The following CNNM2 variants were observed in gnomAD, a reference collection of about 807,000 sequenced individuals.
The protein encoded by CNNM2 is metal transporter CNNM2.
CNNM2 carries 12 observed loss-of-function variants against 66.9 expected under a neutral mutation model. The ratio of observed to expected loss-of-function variants is 0.18; its 90% CI spans 0.11 to 0.29. CNNM2 has a LOEUF of 0.29. Ranked by LOEUF, CNNM2 falls within the 10% of genes least tolerant of loss-of-function variation. The pLI, the probability that CNNM2 is intolerant of heterozygous loss-of-function variation, is 1.00. For synonymous variants in CNNM2, 557 were observed against 501.8 expected, an observed-to-expected ratio of 1.11 and a Z score of -1.47; for missense variants, 705 against 1,167.7, an observed-to-expected ratio of 0.60 and a Z score of 5.77.
chr10:102,956,353 C>T (rs370681373), intron 1 of CNNM2, among the ~76,000 whole-genome samples: 9 of 148,870 alleles, frequency 6.0e-5, no homozygotes, highest in East Asian at 5.9e-4. Context: ...GAAATAGGAA[C>T]GCTTTTACAC....
intron 1 of CNNM2, among the ~76,000 whole-genome samples, chr10:103,004,420 G>A (rs1212845764): frequency 2.0e-5 from 3 of 152,174 alleles, no homozygotes; most frequent in Non-Finnish European, 4.4e-5. Flanking sequence ...TCTTTTGGTG[G>A]ACATCTGTGT....
At chr10:103,022,829 T>G (rs2064613511) in intron 1 of CNNM2, among the ~76,000 whole-genome samples, 1 of 152,126 alleles carries the variant, frequency 6.6e-6, no homozygotes, top group Non-Finnish European at 1.5e-5. Context: ...TTTACGATCA[T>G]GGTGAAAGGC....
chr10:102,974,020 AG>A (rs1281318949), intron 1 of CNNM2, among the ~76,000 whole-genome samples: 3 of 152,230 alleles, frequency 2.0e-5, no homozygotes, highest in African/African-American at 7.2e-5. Context: ...AGAACAGGGA[AG>A]TTTTTTTGGA....
chr10:102,929,105 C>A (rs910795356), intron 1 of CNNM2, among the ~76,000 whole-genome samples: 1 of 151,752 alleles, frequency 6.6e-6, no homozygotes, highest in Non-Finnish European at 1.5e-5. Flanking sequence ...ACTAAAAATA[C>A]AAAAATTAGC....
chr10:103,082,220 C>T lies in CNNM2; in HGVS notation c.*5040C>T, dbSNP rs726010. 0.31 allele frequency: 46,591 copies of T among 152,100 alleles called. 7,238 individuals carry two copies. Among genetic ancestry groups the T allele is most frequent in the Middle Eastern group, 0.35 (104 of 294 alleles). The allele number at this position is 152,100 out of a possible 1,614,324, so 9.4% of individuals were successfully genotyped here. A position where few individuals can be genotyped will look rare whatever the true frequency, so the allele number is the denominator to read the frequency against. On this transcript the variant is annotated 3_prime_UTR_variant, in exon 8 of 8. Coordinates refer to ENST00000369878, the MANE Select transcript of CNNM2 (RefSeq NM_017649.5). ...CATTGTCTTGCCTCGCTTGGAAGGA[C>T]GCCTTCCGGCATCTGATCCACATGG...
At chr10:103,022,910 A>G (rs528031364) in intron 1 of CNNM2, among the ~76,000 whole-genome samples, 1 of 150,374 alleles carries the variant, frequency 6.7e-6, no homozygotes, top group South Asian at 2.1e-4. Context: ...CAGACTCTTT[A>G]TTTTTTTTTG....
chr10:103,088,011 C>G lies in CNNM2; in HGVS notation c.*10831C>G, dbSNP rs1019330626. 6.6e-6 allele frequency: 1 copy of G among 152,178 alleles called. No homozygotes were observed. Among genetic ancestry groups the G allele is most frequent in the African/African-American group, 2.4e-5 (1 of 41,442 alleles). The allele number at this position is 152,178 out of a possible 1,614,324, so 9.4% of individuals were successfully genotyped here. ...GAAAAAATTGAGGCCTATGTAACAC[C>G]ATGAATATAATCATGTTAGAACATA... On this transcript the variant is annotated 3_prime_UTR_variant, in exon 8 of 8. Coordinates refer to ENST00000369878, the MANE Select transcript of CNNM2 (RefSeq NM_017649.5).
intron 1 of CNNM2, among the ~76,000 whole-genome samples, chr10:103,004,922 G>A (rs2064196371): frequency 6.6e-6 from 1 of 152,164 alleles, no homozygotes; most frequent in African/African-American, 2.4e-5. Context: ...GAAAGAACTA[G>A]TGTTTCAACA....
intron 1 of CNNM2, among the ~76,000 whole-genome samples, chr10:102,928,548 C>T (rs1016779093): frequency 4.7e-5 from 7 of 149,248 alleles, no homozygotes; most frequent in Admixed American, 6.7e-5. Context: ...CGCCACTGCA[C>T]TCCAGCCTGG....
intron 1 of CNNM2, among the ~76,000 whole-genome samples, chr10:102,938,520 T>C (rs970791554): frequency 4.1e-5 from 6 of 146,420 alleles, no homozygotes; most frequent in Non-Finnish European, 8.9e-5. Context: ...CTCAGGAGGC[T>C]GAAGTAGGGG....
intron 1 of CNNM2, among the ~76,000 whole-genome samples, chr10:102,949,654 C>T (rs755690187): frequency 3.9e-5 from 6 of 152,052 alleles, no homozygotes; most frequent in Admixed American, 1.3e-4. Context: ...CGTGGTGGCG[C>T]GTGCCTGTAA....
intron 2 of CNNM2, among the ~76,000 whole-genome samples, chr10:103,052,084 G>A (rs1038909047): frequency 6.6e-6 from 1 of 151,782 alleles, no homozygotes; most frequent in African/African-American, 2.4e-5. Context: ...AGAACATCCT[G>A]GTCAACATGG....
At chr10:102,978,620 A>G (rs1278251464) in intron 1 of CNNM2, among the ~76,000 whole-genome samples, 1 of 152,184 alleles carries the variant, frequency 6.6e-6, no homozygotes, top group Non-Finnish European at 1.5e-5. Context: ...GCAGTCAGTG[A>G]TCTTTCAAAC....
At chr10:103,001,732 G>T (rs534399314) in intron 1 of CNNM2, among the ~76,000 whole-genome samples, 2 of 152,250 alleles carry the variant, frequency 1.3e-5, no homozygotes, top group African/African-American at 4.8e-5. Context: ...GGCCAGGTGC[G>T]CTGGCTCATA....
chr10:103,057,067 AG>A (rs1012588761), intron 4 of CNNM2, 103 bp downstream of exon 4: 1 of 1,153,214 alleles, frequency 8.7e-7, no homozygotes, highest in Non-Finnish European at 1.2e-6. Flanking sequence ...ACCTTTCTAT[AG>A]GGGGTAGCCT....
In CNNM2 at chr10:103,081,500, A is replaced by C. The variant is rs2065756696; in HGVS notation, c.*4320A>C. The C allele has an allele frequency of 6.6e-6, 1 of 152,234 alleles. No individual in the cohort carries two copies. The highest frequency in any genetic ancestry group is 1.5e-5 in the Non-Finnish European group (1 of 68,044). 9.4% of individuals were successfully genotyped at this position (152,234 alleles called of 1,614,324 possible). A position where few individuals can be genotyped will look rare whatever the true frequency, so the allele number is the denominator to read the frequency against. Reference sequence around the variant, plus strand: ...CTGATGTATCAATGAGCAACTTCTCAGTGGATTTTTATACCTCAGGGTCAT... The same window carrying C: ...CTGATGTATCAATGAGCAACTTCTCCGTGGATTTTTATACCTCAGGGTCAT... On this transcript the variant is annotated 3_prime_UTR_variant, in exon 8 of 8. Transcript: ENST00000369878.
intron 1 of CNNM2, among the ~76,000 whole-genome samples, chr10:103,014,647 G>A (rs900985762): frequency 1.3e-5 from 2 of 152,078 alleles, no homozygotes; most frequent in Admixed American, 6.6e-5. Context: ...ATTTAGTTGG[G>A]TGTTAATATT....
intron 1 of CNNM2, among the ~76,000 whole-genome samples, chr10:102,921,494 A>G (rs1845633944): frequency 6.6e-6 from 1 of 152,216 alleles, no homozygotes; most frequent in Non-Finnish European, 1.5e-5. Flanking sequence ...ACAGGGCAGA[A>G]TGTGCTTTGA....
rs1590461374 is a variant in CNNM2, at chr10:103,049,953, T to C, written c.1765+103T>C. 6.2e-6 allele frequency: 7 copies of C among 1,122,710 alleles called. No homozygotes were observed. The East Asian group carries it at 1.2e-4, about 19-fold the overall frequency. The allele number at this position is 1,122,710 out of a possible 1,614,324, so 69.5% of individuals were successfully genotyped here. On this transcript the variant is annotated intron_variant, in intron 2 of 7. Coordinates refer to ENST00000369878, the MANE Select transcript of CNNM2 (RefSeq NM_017649.5). ...CTCCAGTTGCTGCCTCTGTTTATAA[T>C]GACACATGATGTGTGTAGGCCGTGC...
Sources: allele counts gnomAD v4.1 joint callset (sites outside exome capture counted in the v4.1 genomes callset), GRCh38; gene constraint gnomAD v4.1.1; transcripts MANE v1.5; gene names NCBI Gene and HGNC (gene_info 2026-07-23, HGNC 2026-07-21).